HIP1: variants seen among roughly 807,000 people sequenced by gnomAD.
HIP1 encodes the protein huntingtin-interacting protein 1.
HIP1 carries 65 observed loss-of-function variants against 147.6 expected under a neutral mutation model. The ratio of observed to expected loss-of-function variants is 0.44; its 90% CI spans 0.36 to 0.54. HIP1 has a LOEUF of 0.54. HIP1 is among the 20% of genes least tolerant of loss of function. The pLI is 0.00. For missense variants in HIP1, 1,061 were observed against 1,299.6 expected (o/e 0.82, Z 2.82); for synonymous variants, 479 against 504.0 (o/e 0.95, Z 0.67).
intron 1 of HIP1, among the ~76,000 whole-genome samples, chr7:75,730,207 G>A (rs560292533): frequency 4.6e-5 from 7 of 152,132 alleles, no homozygotes; most frequent in Admixed American, 2.0e-4. Flanking sequence ...AGAGAAGTGG[G>A]GTGAGGACAA....
chr7:75,550,716 T>A (rs71560475), intron 22 of HIP1, among the ~76,000 whole-genome samples: 1 of 152,112 alleles, frequency 6.6e-6, no homozygotes, highest in Admixed American at 6.6e-5. Flanking sequence ...GCCTGGCCTG[T>A]CTTATTATTA....
Position 75,556,935 on chromosome 7 carries a change from C to T in HIP1, c.1582-124G>A, listed in dbSNP as rs1795028524. On this transcript the variant is annotated intron_variant, in intron 16 of 30. Coordinates refer to ENST00000336926, the MANE Select transcript of HIP1 (RefSeq NM_005338.7). ...AACTCTACTGTATGTAAGTTACACC[C>T]CCCCAAAAAAGTGCAGGGTGTGGGA... The T allele has an allele frequency of 1.5e-5, 9 of 599,204 alleles. No individual in the cohort carries two copies. In the South Asian group the frequency reaches 1.9e-4, roughly 12 times the overall value. The allele number at this position is 599,204 out of a possible 1,614,324, so 37.1% of individuals were successfully genotyped here.
At chr7:75,695,189 C>T (rs569417086) in intron 1 of HIP1, among the ~76,000 whole-genome samples, 1 of 152,284 alleles carries the variant, frequency 6.6e-6, no homozygotes, top group Non-Finnish European at 1.5e-5. Context: ...CGGAGCTCAT[C>T]AGCGGGCAAA....
In HIP1 at chr7:75,738,925, C is replaced by T. The variant is rs1360361471; in HGVS notation, c.-5G>A. ...GGAGCTGGCCATCCGATCCATGTCG[C>T]CGCGAGGAGCCGAGTCAGGGGCCCT... On this transcript the variant is annotated 5_prime_UTR_variant, in exon 1 of 31. Transcript: ENST00000336926. 1.3e-6 allele frequency: 2 copies of T among 1,541,406 alleles called. No individual in the cohort carries two copies. The highest frequency in any genetic ancestry group is 2.8e-5 in the African/African-American group (2 of 72,032).
At chr7:75,651,579 C>T (rs940239300) in intron 1 of HIP1, among the ~76,000 whole-genome samples, 5 of 151,532 alleles carry the variant, frequency 3.3e-5, no homozygotes, top group Admixed American at 6.6e-5. Context: ...CATCAGAACC[C>T]CAAGTTCAAG....
intron 25 of HIP1, among the ~76,000 whole-genome samples, chr7:75,546,719 T>G (rs1313640388): frequency 6.6e-6 from 1 of 152,236 alleles, no homozygotes; most frequent in African/African-American, 2.4e-5. Context: ...AATGTCTGCC[T>G]GTGCGAAGGG....
intron 1 of HIP1, chr7:75,611,949 A>T (rs1584878999): frequency 1.2e-6 from 1 of 851,984 alleles, no homozygotes. Flanking sequence ...GCAGTGGCCA[A>T]TGGGAAACCC....
chr7:75,650,219 C>T (rs567131502), intron 1 of HIP1, among the ~76,000 whole-genome samples: 37 of 152,218 alleles, frequency 2.4e-4, no homozygotes, highest in South Asian at 4.1e-4. Context: ...CCAGGACAGA[C>T]GGGAGCCACT....
At position 75,541,938 on chromosome 7, in the gene HIP1, C is replaced by T. The variant is rs781980080; in HGVS notation, c.2933G>A (p.Arg978His). ...TCTCACCTGAGAATCCATCTCTTGG[C>T]GTTTGATCTGTGTCAGCGTCATGCT... ...FSSMTLTQIK[R>H]QEMDSQVRVL... is the part of the protein sequence containing the mutation. The change falls in exon 29 of 31, where the codon CGC becomes CAC. Residue 978 changes from arginine to histidine, a missense_variant. Arg to His is a conservative substitution (Grantham distance 29). This residue lies in a region of HIP1 where 810 missense variants were observed against 946.8 expected (regional missense o/e 0.86). Transcript: ENST00000336926. 3.2e-5 allele frequency: 51 copies of T among 1,613,382 alleles called. No individual in the cohort carries two copies. In the Admixed American group the frequency reaches 5.7e-4, roughly 18 times the overall value.
At position 75,558,252 on chromosome 7, in the gene HIP1, T is replaced by A. The variant is rs1554493845; in HGVS notation, c.1379A>T (p.Lys460Ile). The part of the protein sequence containing the change: ...AQRSLSEIER[K>I]AQANEQRYSK... ...ATATCGCTGTTCATTGGCTTGAGCTTTCCCTGTATTGTAAAGGACCAAGGT... is the reference window on the plus strand; with the variant it reads ...ATATCGCTGTTCATTGGCTTGAGCTATCCCTGTATTGTAAAGGACCAAGGT... The change falls in exon 15 of 31, where the codon AAA becomes ATA. Residue 460 changes from lysine to isoleucine, a missense_variant. Lys to Ile is a moderately radical substitution (Grantham distance 102). Transcript: ENST00000336926. The A allele has an allele frequency of 1.2e-6, 2 of 1,613,828 alleles. No homozygotes were observed.
At chr7:75,618,568 T>C (rs1363225650) in intron 1 of HIP1, among the ~76,000 whole-genome samples, 3 of 152,258 alleles carry the variant, frequency 2.0e-5, no homozygotes, top group Admixed American at 6.5e-5. Context: ...ATTACAGGCA[T>C]GAGCCACCGC....
intron 1 of HIP1, among the ~76,000 whole-genome samples, chr7:75,659,417 G>A (rs565418839): frequency 4.6e-5 from 7 of 152,152 alleles, no homozygotes; most frequent in East Asian, 3.9e-4. Context: ...CCAGCACTTC[G>A]GGAGGCCAAG....
At chr7:75,700,728 C>T (rs1421391967) in intron 1 of HIP1, among the ~76,000 whole-genome samples, 6 of 150,180 alleles carry the variant, frequency 4.0e-5, no homozygotes, top group African/African-American at 1.2e-4. Context: ...TTTTTTGAGA[C>T]GGAGTCTTGC....
rs2868138 is a variant in HIP1 at position 75,716,826 on chromosome 7, A to T, written c.120+21975T>A. On this transcript the variant is annotated intron_variant, in intron 1 of 30. Transcript: ENST00000336926. ...AAACCACCACGCCCAGCTTTTTTTT[A>T]GGGGGGGGGAAAGGATCTCACTCTG... Among the ~76,000 whole-genome samples, 477 of 144,376 alleles carry T rather than the reference A, an allele frequency of 3.3e-3. 5 individuals are homozygous for T. The highest frequency in any genetic ancestry group is 0.014 in the East Asian group (70 of 5,014). 94.7% of individuals were successfully genotyped at this position (144,376 alleles called of 152,430 possible). A position where few individuals can be genotyped will look rare whatever the true frequency, so the allele number is the denominator to read the frequency against.
chr7:75,616,584 GGGA>G lies in HIP1; in HGVS notation c.121-17340_121-17338del, dbSNP rs782489721. Among the ~76,000 whole-genome samples the G allele has an allele frequency of 4.0e-3, 577 of 146,012 alleles. 2 individuals are homozygous for G. The highest frequency in any genetic ancestry group is 9.4e-3 in the South Asian group (43 of 4,556). ...CACCATGCCTGGCTTTTTAAGGGTG[GGGA>G]GGAGGAGGAGGAGGAGGAGGAGGAG... is the stretch of plus-strand genomic sequence containing the variant. On this transcript the variant is annotated intron_variant, in intron 1 of 30. Transcript: ENST00000336926.
intron 1 of HIP1, among the ~76,000 whole-genome samples, chr7:75,679,638 G>A (rs1455443383): frequency 6.6e-6 from 1 of 151,604 alleles, no homozygotes; most frequent in Non-Finnish European, 1.5e-5. Flanking sequence ...GACCTCCATG[G>A]GCCAGGCTTT....
intron 8 of HIP1, among the ~76,000 whole-genome samples, chr7:75,571,267 T>C (rs1350381846): frequency 1.3e-5 from 2 of 152,174 alleles, no homozygotes; most frequent in Admixed American, 6.5e-5. Flanking sequence ...GATGTTCTAC[T>C]GAGCAACAGA....
intron 1 of HIP1, among the ~76,000 whole-genome samples, chr7:75,647,828 G>C (rs1360634095): frequency 6.6e-6 from 1 of 152,264 alleles, no homozygotes; most frequent in Non-Finnish European, 1.5e-5. Flanking sequence ...CATGGGTGCA[G>C]TGTGCTTGAA....
At chr7:75,578,540 T>C (rs1409628335) in intron 7 of HIP1, among the ~76,000 whole-genome samples, 1 of 152,082 alleles carries the variant, frequency 6.6e-6, no homozygotes, top group Non-Finnish European at 1.5e-5. Flanking sequence ...TAGCTGGGCA[T>C]GGTGGTGCGT....
Sources: gnomAD v4.1 joint callset for allele counts (sites outside exome capture counted in the v4.1 genomes callset) on GRCh38, gnomAD v4.1.1 for gene constraint, gnomAD v4.1.1 regional missense constraint, MANE v1.5 for transcripts, NCBI Gene and HGNC (gene_info 2026-07-23, HGNC 2026-07-21) for gene names.